NDUFAF2: variants seen among roughly 807,000 people sequenced by gnomAD.
NDUFAF2 encodes NADH:ubiquinone oxidoreductase complex assembly factor 2.
Under a neutral mutation model 22.8 loss-of-function variants are expected in NDUFAF2, and 13 were observed. The ratio of observed to expected loss-of-function variants is 0.57; its 90% CI spans 0.37 to 0.91. The LOEUF (loss-of-function observed/expected upper bound fraction) is 0.91. Among genes scored for constraint, NDUFAF2 ranks in the 40% least tolerant of loss-of-function variants. The pLI is 0.01. For synonymous variants in NDUFAF2, 53 were observed against 64.2 expected, an observed-to-expected ratio of 0.83 and a Z score of 0.84; for missense variants, 162 against 195.2, an observed-to-expected ratio of 0.83 and a Z score of 1.01.
At chr5:61,133,235 A>C (rs543915208) in intron 3 of NDUFAF2, among the ~76,000 whole-genome samples, 39 of 152,208 alleles carry the variant, frequency 2.6e-4, no homozygotes, top group Non-Finnish European at 1.6e-4. Context: ...TAGACAGGGA[A>C]TATAACCACC....
intron 1 of NDUFAF2, among the ~76,000 whole-genome samples, chr5:61,035,955 T>G (rs898502331): frequency 2.6e-5 from 4 of 152,216 alleles, no homozygotes; most frequent in Admixed American, 6.5e-5. Context: ...CATGCTGTAT[T>G]AGATAAATAA....
chr5:61,076,367 C>T (rs1258870737), intron 2 of NDUFAF2, among the ~76,000 whole-genome samples: 3 of 152,178 alleles, frequency 2.0e-5, no homozygotes, highest in African/African-American at 4.8e-5. Context: ...AGCCACCGCG[C>T]CCGGCCGTTT....
chr5:60,947,201 T>A (rs1750473287), intron 1 of NDUFAF2, among the ~76,000 whole-genome samples: 1 of 152,184 alleles, frequency 6.6e-6, no homozygotes, highest in Non-Finnish European at 1.5e-5. Context: ...TACCAAACTG[T>A]TTTTCAAAGT....
At chr5:61,007,723 C>T (rs1414806186) in intron 1 of NDUFAF2, among the ~76,000 whole-genome samples, 1 of 152,134 alleles carries the variant, frequency 6.6e-6, no homozygotes, top group Admixed American at 6.5e-5. Context: ...ACTAGTTCAA[C>T]CATTGTGGAA....
intron 1 of NDUFAF2, among the ~76,000 whole-genome samples, chr5:60,979,667 T>C (rs939724749): frequency 2.6e-5 from 4 of 152,058 alleles, no homozygotes; most frequent in Admixed American, 1.3e-4. Context: ...GCAGGTAGAT[T>C]CCTAAGGTCC....
intron 3 of NDUFAF2, among the ~76,000 whole-genome samples, chr5:61,149,740 T>C (rs529454964): frequency 1.1e-3 from 170 of 152,344 alleles, no homozygotes; most frequent in Non-Finnish European, 1.5e-3. Flanking sequence ...TGTTATTTGA[T>C]AAACGTATGG....
intron 1 of NDUFAF2, among the ~76,000 whole-genome samples, chr5:60,986,734 G>T (rs1431759463): frequency 6.6e-6 from 1 of 151,920 alleles, no homozygotes; most frequent in Non-Finnish European, 1.5e-5. Context: ...TTTAAGACCA[G>T]CCTGGCCAAC....
chr5:61,005,118 C>T lies in NDUFAF2; in HGVS notation c.127+59736C>T, dbSNP rs549821481. Among the ~76,000 whole-genome samples the T allele has an allele frequency of 5.9e-4, 90 of 151,956 alleles. 1 individual carries two copies. Among genetic ancestry groups the T allele is most frequent in the African/African-American group, 1.9e-3 (80 of 41,448 alleles). On this transcript the variant is annotated intron_variant, in intron 1 of 3. Transcript: ENST00000296597. ...TCACCCCATGACAGACCCCGGTGTG[C>T]GATGTTCCCCACCCTGTGTCCAAGT...
At chr5:61,093,308 C>T (rs1752595602) in intron 2 of NDUFAF2, among the ~76,000 whole-genome samples, 1 of 152,168 alleles carries the variant, frequency 6.6e-6, no homozygotes, top group Admixed American at 6.5e-5. Context: ...TATATTTTAT[C>T]CTTCAATCCA....
chr5:61,151,884 ATTTATT>A (rs1322946964), intron 3 of NDUFAF2, among the ~76,000 whole-genome samples: 1 of 152,220 alleles, frequency 6.6e-6, no homozygotes, highest in Non-Finnish European at 1.5e-5. Context: ...ACTGTATTGC[ATTTATT>A]TTTAAGATAC....
intron 3 of NDUFAF2, among the ~76,000 whole-genome samples, chr5:61,136,746 C>T (rs574606672): frequency 1.3e-5 from 2 of 152,286 alleles, no homozygotes; most frequent in South Asian, 2.1e-4. Flanking sequence ...TGTGGGCAAA[C>T]GAGCTCAGTT....
At chr5:61,109,203 G>A (rs1752805274) in intron 3 of NDUFAF2, among the ~76,000 whole-genome samples, 1 of 152,024 alleles carries the variant, frequency 6.6e-6, no homozygotes, top group Admixed American at 6.6e-5. Flanking sequence ...TAGGCATTTA[G>A]TTTTGTTTGT....
At chr5:61,137,724 C>T (rs908632582) in intron 3 of NDUFAF2, among the ~76,000 whole-genome samples, 1 of 152,146 alleles carries the variant, frequency 6.6e-6, no homozygotes, top group African/African-American at 2.4e-5. Flanking sequence ...AGGTCGGCAG[C>T]AATTGGGTCA....
intron 3 of NDUFAF2, among the ~76,000 whole-genome samples, chr5:61,111,779 C>A (rs534373274): frequency 2.0e-5 from 3 of 151,902 alleles, no homozygotes; most frequent in Admixed American, 1.3e-4. Context: ...CCACCACGCC[C>A]GGCTAATTTT....
intron 1 of NDUFAF2, among the ~76,000 whole-genome samples, chr5:61,046,063 C>G (rs910662720): frequency 6.6e-6 from 1 of 151,948 alleles, no homozygotes; most frequent in Non-Finnish European, 1.5e-5. Context: ...CTGCATCTAC[C>G]GAGATGATTA....
intron 1 of NDUFAF2, among the ~76,000 whole-genome samples, chr5:60,997,307 A>C (rs1751240091): frequency 6.6e-6 from 1 of 152,214 alleles, no homozygotes; most frequent in African/African-American, 2.4e-5. Context: ...GTCTGACCCC[A>C]TTGTGGAGTA....
intron 1 of NDUFAF2, among the ~76,000 whole-genome samples, chr5:61,040,280 A>ACGCG (rs745774856): frequency 7.8e-5 from 9 of 114,670 alleles, no homozygotes; most frequent in African/African-American, 2.4e-4. Flanking sequence ...ACACACACAC[A>ACGCG]CACACACGCG....
At chr5:61,007,437 C>T (rs1023515771) in intron 1 of NDUFAF2, among the ~76,000 whole-genome samples, 1 of 151,572 alleles carries the variant, frequency 6.6e-6, no homozygotes, top group African/African-American at 2.4e-5. Context: ...AGATATGTGG[C>T]GTTATTTCTC....
intron 2 of NDUFAF2, among the ~76,000 whole-genome samples, chr5:61,076,564 A>G (rs908285900): frequency 6.6e-6 from 1 of 152,220 alleles, no homozygotes; most frequent in African/African-American, 2.4e-5. Flanking sequence ...GGATAGAATG[A>G]GAGAGAAATT....
Sources: gnomAD v4.1 joint callset for allele counts (sites outside exome capture counted in the v4.1 genomes callset) on GRCh38, gnomAD v4.1.1 for gene constraint, MANE v1.5 for transcripts, NCBI Gene and HGNC (gene_info 2026-07-23, HGNC 2026-07-21) for gene names.